The following ADAMTS7 variants were observed in gnomAD, a reference collection of about 807,000 sequenced individuals.
ADAMTS7 encodes the protein A disintegrin and metalloproteinase with thrombospondin motifs 7.
Under a neutral mutation model 172.6 loss-of-function variants are expected in ADAMTS7, and 89 were observed. That is an observed-to-expected ratio of 0.52 (90% CI 0.43 to 0.61). The LOEUF (loss-of-function observed/expected upper bound fraction) is 0.61, where lower values mean the gene tolerates loss of function less well. Among genes scored for constraint, ADAMTS7 ranks in the 20% least tolerant of loss-of-function variants. The probability of loss-of-function intolerance (pLI) is 0.00; values close to 1 mark genes in which losing one functional copy is unlikely to be tolerated. For synonymous variants in ADAMTS7, 885 were observed against 978.4 expected (o/e 0.90, Z 1.78); for missense variants, 1,973 against 2,355.6 (o/e 0.84, Z 3.36).
chr15:78,777,543 A>G lies in ADAMTS7; in HGVS notation c.1368T>C (p.Ile456=), dbSNP rs369669105. 9.1e-4 allele frequency: 1,463 copies of G among 1,607,282 alleles called. 2 individuals are homozygous for G. Among genetic ancestry groups the G allele is most frequent in the South Asian group, 1.9e-3 (171 of 89,742 alleles). ...LCLDDPPAKD[I]IDFPSVPPGV... ...CAGGTGGCACCGAGGGGAAGTCGAT[A>G]ATGTCCTTGGCAGGAGGGTCGTCCA... Residue 456 remains isoleucine, a synonymous_variant, in exon 9 of 24, where the codon ATT becomes ATC. Transcript: ENST00000388820.
Position 78,765,891 on chromosome 15 carries a change from G to A in ADAMTS7, c.4020C>T (p.Thr1340=), listed in dbSNP as rs1235942952. ...VAVWGTFLPT[T]LTGLGHMPEP... ...CAGGCATGTGCCCGAGGCCAGTCAG[G>A]GTTGTGGGGAGGAAGGTCCCCCACA... Residue 1340 remains threonine, a synonymous_variant, in exon 19 of 24, where the codon ACC becomes ACT. Coordinates refer to ENST00000388820, the MANE Select transcript of ADAMTS7 (RefSeq NM_014272.5). 1.9e-6 allele frequency: 3 copies of A among 1,575,698 alleles called. No individual in the cohort carries two copies. The highest frequency in any genetic ancestry group is 2.6e-6 in the Non-Finnish European group (3 of 1,161,024).
At position 78,769,520 on chromosome 15, in the gene ADAMTS7, G is replaced by A. The variant is rs540309400; in HGVS notation, c.2519-1261C>T. ...CGGGAGAAAAAGGCACAAGTCCCTC[G>A]CTGGGAGTCAGCCCTTTTCCCTCTC... On this transcript the variant is annotated intron_variant, in intron 16 of 23. Transcript: ENST00000388820. 2.1e-4 allele frequency among the ~76,000 whole-genome samples: 32 copies of A among 152,342 alleles called. No individual in the cohort carries two copies. In the South Asian group the frequency reaches 2.7e-3, roughly 13 times the overall value.
rs367789704 is a variant in ADAMTS7 at position 78,776,285 on chromosome 15, C to T, written c.1609G>A (p.Val537Met). ...CVPVGFRPEA[V>M]DGGWSGWSAW... ...CTCCAGCCAGACCAGCCACCATCCA[C>T]GGCCTCGGGCCGGAAGCCCACGGGT... is the stretch of plus-strand genomic sequence containing the variant. The change falls in exon 11 of 24, where the codon GTG becomes ATG. Residue 537 changes from valine to methionine, a missense_variant. Physicochemically the swap from Val to Met is conservative, Grantham distance 21. This residue lies in a region of ADAMTS7 where 526 missense variants were observed against 662.9 expected (regional missense o/e 0.79). Coordinates refer to ENST00000388820, the MANE Select transcript of ADAMTS7 (RefSeq NM_014272.5). The T allele has an allele frequency of 2.7e-5, 43 of 1,611,970 alleles. No homozygotes were observed. In the African/African-American group the frequency reaches 3.1e-4, roughly 11 times the overall value.
chr15:78,796,098 A>G (rs1442092825), intron 4 of ADAMTS7, among the ~76,000 whole-genome samples: 1 of 152,214 alleles, frequency 6.6e-6, no homozygotes, highest in Non-Finnish European at 1.5e-5. Flanking sequence ...GACTTGCCCA[A>G]GGCTACCAGC....
chr15:78,805,646 T>A (rs2141528261), intron 1 of ADAMTS7, among the ~76,000 whole-genome samples: 1 of 152,292 alleles, frequency 6.6e-6, no homozygotes, highest in East Asian at 1.9e-4. Flanking sequence ...GAAAAATCTG[T>A]CTCCCTACCC....
At position 78,759,616 on chromosome 15, in the gene ADAMTS7, C is replaced by T. The variant is rs566924468; in HGVS notation, c.4904-38G>A. The T allele has an allele frequency of 1.9e-4, 283 of 1,522,862 alleles. No homozygotes were observed. The Admixed American group carries it at 2.0e-3, about 11-fold the overall frequency. 94.3% of individuals were successfully genotyped at this position (1,522,862 alleles called of 1,614,324 possible). A position where few individuals can be genotyped will look rare whatever the true frequency, so the allele number is the denominator to read the frequency against. On this transcript the variant is annotated intron_variant, in intron 23 of 23. Transcript: ENST00000388820. ...GGCAGAGAGGCATCAGAACCAGTAGCTTGGGGTACCCAGAACCTGGCTCCC... is the reference window on the plus strand; with the variant it reads ...GGCAGAGAGGCATCAGAACCAGTAGTTTGGGGTACCCAGAACCTGGCTCCC...
Position 78,759,454 on chromosome 15 carries a change from G to A in ADAMTS7, c.5028C>T (p.Pro1676=), listed in dbSNP as rs1246613415. The part of the protein sequence containing the change: ...RSCSPPSHGA[P]SRGHQRVARR Reference sequence around the variant, plus strand: ...GGGCAACCCGCTGATGGCCTCGGGAGGGGGCGCCGTGGCTGGGCGGAGAGC... The same window carrying A: ...GGGCAACCCGCTGATGGCCTCGGGAAGGGGCGCCGTGGCTGGGCGGAGAGC... Residue 1676 remains proline (P), a synonymous_variant, in exon 24 of 24, where the codon CCC becomes CCT. Transcript: ENST00000388820. 1.9e-6 allele frequency: 3 copies of A among 1,596,166 alleles called. No individual in the cohort carries two copies. The highest frequency in any genetic ancestry group is 4.5e-5 in the East Asian group (2 of 44,662).
rs1356017804 is a variant in ADAMTS7 at position 78,759,467 on chromosome 15, C to T, written c.5015G>A (p.Ser1672Asn). ...ATGGCCTCGGGAGGGGGCGCCGTGG[C>T]TGGGCGGAGAGCACGAGCGGCAGCA... ...TQCCRSCSPP[S>N]HGAPSRGHQR... is the part of the protein sequence containing the mutation. Residue 1672 changes from serine (S) to asparagine (N), a missense_variant, in exon 24 of 24, where the codon AGC becomes AAC. Physicochemically the swap from Ser to Asn is conservative, Grantham distance 46 (BLOSUM62 1). Coordinates refer to ENST00000388820, the MANE Select transcript of ADAMTS7 (RefSeq NM_014272.5). The T allele has an allele frequency of 1.3e-6, 2 of 1,596,790 alleles. No individual in the cohort carries two copies. Among genetic ancestry groups the T allele is most frequent in the South Asian group, 1.1e-5 (1 of 90,336 alleles).
At position 78,767,573 on chromosome 15, in the gene ADAMTS7, G is replaced by T; in HGVS notation, c.2665C>A (p.Gln889Lys). 1 of 1,550,798 alleles carries T rather than the reference G, an allele frequency of 6.4e-7. No homozygotes were observed. The highest frequency in any genetic ancestry group is 8.7e-7 in the Non-Finnish European group (1 of 1,147,566). The change falls in exon 18 of 24, where the codon CAG becomes AAG. Residue 889 changes from glutamine to lysine, a missense_variant. Physicochemically the swap from Gln to Lys is moderately conservative, Grantham distance 53 (BLOSUM62 1). This residue lies in a region of ADAMTS7 where 771 missense variants were observed against 952.6 expected (regional missense o/e 0.81). Coordinates refer to ENST00000388820, the MANE Select transcript of ADAMTS7 (RefSeq NM_014272.5). ...GGCCCGCAGGAGCTGGAGCACAGCT[G>T]CCACTCACCTGCCCACCACCTGGCG... is the stretch of plus-strand genomic sequence containing the variant. ...CPARWWAGEWQLCSSSCGPGG... is the reference protein window; with the variant it reads ...CPARWWAGEWKLCSSSCGPGG...
chr15:78,765,392 A>G (rs1432694792), intron 19 of ADAMTS7, among the ~76,000 whole-genome samples: 2 of 152,234 alleles, frequency 1.3e-5, no homozygotes, highest in Non-Finnish European at 2.9e-5. Context: ...TCCCCACTGC[A>G]CAGCTGTCTG....
intron 23 of ADAMTS7, among the ~76,000 whole-genome samples, chr15:78,761,627 C>G (rs2055044213): frequency 6.6e-6 from 1 of 152,224 alleles, no homozygotes; most frequent in South Asian, 2.1e-4. Flanking sequence ...CAAGGCCACA[C>G]AGCTGGTGAG....
chr15:78,806,783 T>G (rs2055802979), intron 1 of ADAMTS7, among the ~76,000 whole-genome samples: 1 of 152,132 alleles, frequency 6.6e-6, no homozygotes, highest in South Asian at 2.1e-4. Flanking sequence ...TTTGTTTTTT[T>G]GAGAGAGAGT....
rs2055242526 is a variant in ADAMTS7 at position 78,771,181 on chromosome 15, G to A, written c.2499C>T (p.Cys833=). 3.7e-6 allele frequency: 6 copies of A among 1,610,372 alleles called. No individual in the cohort carries two copies. Among genetic ancestry groups the A allele is most frequent in the Non-Finnish European group, 5.1e-6 (6 of 1,179,070 alleles). Residue 833 remains cysteine (C), a synonymous_variant, in exon 16 of 24, where the codon TGC becomes TGT. Transcript: ENST00000388820. The surrounding 1 kb of genome is among the most constrained non-coding windows in gnomAD (Gnocchi z 4.9). ...TCTCACCTCTGCCGCAGGTGACTGTGCACTTGGTCCAGGGCCCATAATGCC... is the reference window on the plus strand; with the variant it reads ...TCTCACCTCTGCCGCAGGTGACTGTACACTTGGTCCAGGGCCCATAATGCC... The part of the protein sequence containing the change: ...FSWHYGPWTK[C]TVTCGRGVQR...
intron 21 of ADAMTS7, 26 bp from the exon 22 acceptor site, chr15:78,763,871 G>T (rs1249643984): frequency 1.6e-5 from 25 of 1,576,404 alleles, no homozygotes; most frequent in Non-Finnish European, 2.0e-5. Flanking sequence ...AGGAGTCAGG[G>T]CACAGCCAGG....
At chr15:78,810,867 G>T (rs1180133682) in intron 1 of ADAMTS7, 1 of 357,638 alleles carries the variant, frequency 2.8e-6, no homozygotes, top group Middle Eastern at 7.3e-4. Flanking sequence ...AGCGGAAGGG[G>T]CTTATTCCAG....
rs1323927359 is a variant in ADAMTS7 at position 78,764,093 on chromosome 15, G to A, written c.4426C>T (p.Arg1476Cys). The A allele has an allele frequency of 1.3e-6, 2 of 1,524,954 alleles. No individual in the cohort carries two copies. The highest frequency in any genetic ancestry group is 2.5e-5 in the East Asian group (1 of 40,708). 94.5% of individuals were successfully genotyped at this position (1,524,954 alleles called of 1,614,324 possible). A position where few individuals can be genotyped will look rare whatever the true frequency, so the allele number is the denominator to read the frequency against. Residue 1476 changes from arginine (R) to cysteine (C), a missense_variant, in exon 21 of 24, where the codon CGC becomes TGC. Coordinates refer to ENST00000388820, the MANE Select transcript of ADAMTS7 (RefSeq NM_014272.5). ...WHSGNWSKCS[R>C]SCGGGSSVRD... ...ACTGAGGAACCTCCGCCGCAGCTGC[G>A]GGAGCACTGGGGACCGAGAGACGTG...
At chr15:78,794,802 T>G (rs2055623193) in intron 4 of ADAMTS7, among the ~76,000 whole-genome samples, 1 of 152,126 alleles carries the variant, frequency 6.6e-6, no homozygotes, top group Admixed American at 6.5e-5. Context: ...ACTGCAACCT[T>G]CGCCTCCCAG....
chr15:78,760,464 G>A (rs1442620183), intron 23 of ADAMTS7, among the ~76,000 whole-genome samples: 2 of 152,068 alleles, frequency 1.3e-5, no homozygotes, highest in Non-Finnish European at 2.9e-5. Flanking sequence ...CAGAGGGCAC[G>A]AGGCAGCAGG....
intron 6 of ADAMTS7, among the ~76,000 whole-genome samples, chr15:78,790,172 G>A (rs567003384): frequency 1.3e-5 from 2 of 152,348 alleles, no homozygotes; most frequent in African/African-American, 2.4e-5. Flanking sequence ...GAGGTTAGGG[G>A]AGGAAGGTGG....
Sources: gnomAD v4.1 joint callset for allele counts (sites outside exome capture counted in the v4.1 genomes callset) on GRCh38, gnomAD v4.1.1 for gene constraint, gnomAD v4.1.1 regional missense constraint, Gnocchi (gnomAD v3.1) non-coding constraint, MANE v1.5 for transcripts, NCBI Gene and HGNC (gene_info 2026-07-23, HGNC 2026-07-21) for gene names.